The following ZNF148 variants were observed in gnomAD, a reference collection of about 807,000 sequenced individuals.
The protein encoded by ZNF148 is Beta-Enolase Repressor Factor-1.
ZNF148 carries 7 observed loss-of-function variants against 67.7 expected under a neutral mutation model. The observed-to-expected ratio is 0.10, with a 90% confidence interval of 0.06 to 0.19. ZNF148 has a LOEUF of 0.19. ZNF148 is among the 10% of genes least tolerant of loss of function. The probability of loss-of-function intolerance (pLI) is 1.00; values close to 1 mark genes in which losing one functional copy is unlikely to be tolerated. For missense variants in ZNF148, 583 were observed against 947.1 expected, an observed-to-expected ratio of 0.62 and a Z score of 5.05; for synonymous variants, 333 against 330.7, an observed-to-expected ratio of 1.01 and a Z score of -0.08.
chr3:125,248,011 C>T (rs916903325), intron 7 of ZNF148, among the ~76,000 whole-genome samples: 3 of 152,158 alleles, frequency 2.0e-5, no homozygotes, highest in Non-Finnish European at 2.9e-5. Flanking sequence ...GTTATACACT[C>T]GGTACACAAC....
chr3:125,240,251 T>C (rs1188772748), intron 7 of ZNF148, among the ~76,000 whole-genome samples: 1 of 152,110 alleles, frequency 6.6e-6, no homozygotes, highest in East Asian at 1.9e-4. Flanking sequence ...CTCAGCACTT[T>C]GGGAGGATGA....
At chr3:125,340,229 C>T (rs533904468) in intron 1 of ZNF148, among the ~76,000 whole-genome samples, 9 of 152,280 alleles carry the variant, frequency 5.9e-5, no homozygotes, top group African/African-American at 1.2e-4. Context: ...CACATTCCTC[C>T]GCCAAAACAA....
intron 7 of ZNF148, among the ~76,000 whole-genome samples, chr3:125,267,815 G>A (rs531854843): frequency 1.4e-4 from 21 of 152,268 alleles, no homozygotes; most frequent in South Asian, 2.1e-4. Flanking sequence ...ATATGATTCA[G>A]TATCTAGAAA....
intron 7 of ZNF148, among the ~76,000 whole-genome samples, chr3:125,245,681 T>A (rs1287765092): frequency 6.6e-6 from 1 of 152,156 alleles, no homozygotes; most frequent in African/African-American, 2.4e-5. Flanking sequence ...TAAATACCTA[T>A]CAAATCTGTT....
intron 4 of ZNF148, among the ~76,000 whole-genome samples, chr3:125,312,848 A>G (rs1370526948): frequency 6.6e-6 from 1 of 152,172 alleles, no homozygotes; most frequent in Non-Finnish European, 1.5e-5. Context: ...GGGCTGATAT[A>G]CTTTAAAAAG....
At chr3:125,343,825 AG>A (rs1161451586) in intron 1 of ZNF148, among the ~76,000 whole-genome samples, 1 of 152,104 alleles carries the variant, frequency 6.6e-6, no homozygotes, top group Non-Finnish European at 1.5e-5. Flanking sequence ...CTGAACGCAA[AG>A]GTCCATGGCT....
chr3:125,369,256 T>C (rs544885507), intron 1 of ZNF148, among the ~76,000 whole-genome samples: 1 of 50,448 alleles, frequency 2.0e-5, no homozygotes, highest in African/African-American at 1.1e-4. Context: ...AGTGAGATCC[T>C]GCCTCAAAAA....
chr3:125,288,134 T>C lies in ZNF148; in HGVS notation c.428A>G (p.Lys143Arg). 6.2e-7 allele frequency: 1 copy of C among 1,613,890 alleles called. No homozygotes were observed. Residue 143 changes from lysine to arginine, a missense_variant, in exon 5 of 9, where the codon AAG becomes AGG. Coordinates refer to ENST00000360647, the MANE Select transcript of ZNF148 (RefSeq NM_021964.3). ...QIREPVDLQK[K>R]KKRKQRSPAK... ...GGGAGAACGTTGTTTCCGCTTCTTCTTTTTCTGTAAGTCTACTGGCTCTCT... is the reference window on the plus strand; with the variant it reads ...GGGAGAACGTTGTTTCCGCTTCTTCCTTTTCTGTAAGTCTACTGGCTCTCT...
At chr3:125,303,349 G>A (rs529477164) in intron 4 of ZNF148, among the ~76,000 whole-genome samples, 4 of 152,280 alleles carry the variant, frequency 2.6e-5, no homozygotes, top group South Asian at 2.1e-4. Context: ...CTCCCAGGCC[G>A]TGGACCAGCA....
chr3:125,336,677 C>CTTTTTTTTTTTTTTTTT (rs71148176), intron 1 of ZNF148, among the ~76,000 whole-genome samples: 1 of 95,336 alleles, frequency 1.0e-5, no homozygotes, highest in African/African-American at 4.4e-5. Flanking sequence ...CAGAAATCAC[C>CTTTTTTTTTTTTTTTTT]TTTTTTTTTT....
intron 5 of ZNF148, among the ~76,000 whole-genome samples, chr3:125,279,584 T>C (rs1030205103): frequency 6.6e-6 from 1 of 152,062 alleles, no homozygotes; most frequent in Admixed American, 6.5e-5. Flanking sequence ...CAAATTCTCA[T>C]ATATGCAGGA....
intron 1 of ZNF148, among the ~76,000 whole-genome samples, chr3:125,364,685 A>G (rs535779058): frequency 3.2e-4 from 49 of 152,324 alleles, no homozygotes; most frequent in African/African-American, 1.1e-3. Flanking sequence ...CAGCTTGGAA[A>G]TGGCACATGA....
chr3:125,233,598 C>A lies in ZNF148; in HGVS notation c.1128G>T (p.Ser376=). The A allele has an allele frequency of 6.2e-7, 1 of 1,613,910 alleles. No individual in the cohort carries two copies. Among genetic ancestry groups the A allele is most frequent in the East Asian group, 2.2e-5 (1 of 44,882 alleles). ...TTTCTCCTGACGCATCTTCTAAATG[C>A]GAGCCCCCAACTGACGAATGTGGCA... The part of the protein sequence containing the change: ...VEMPHSSVGG[S]HLEDASGEIH... The change falls in exon 9 of 9, where the codon TCG becomes TCT. Residue 376 remains serine (S), a synonymous_variant. Coordinates refer to ENST00000360647, the MANE Select transcript of ZNF148 (RefSeq NM_021964.3). This position sits in a 1 kb window ranked among gnomAD's most constrained non-coding sequence, Gnocchi z 5.1.
intron 7 of ZNF148, among the ~76,000 whole-genome samples, chr3:125,249,031 CA>C (rs1936721072): frequency 6.6e-6 from 1 of 152,062 alleles, no homozygotes; most frequent in Admixed American, 6.6e-5. Context: ...AAAAACAACT[CA>C]AAAAGGATTA....
At chr3:125,363,774 C>T (rs921970879) in intron 1 of ZNF148, among the ~76,000 whole-genome samples, 1 of 152,004 alleles carries the variant, frequency 6.6e-6, no homozygotes, top group Admixed American at 6.6e-5. Context: ...CTCAGCCTCC[C>T]GTGCACCTGG....
chr3:125,226,256 C>T lies in ZNF148; in HGVS notation c.*6085G>A, dbSNP rs1016940103. 6.6e-6 allele frequency: 1 copy of T among 152,602 alleles called. No individual in the cohort carries two copies. Among genetic ancestry groups the T allele is most frequent in the Non-Finnish European group, 1.5e-5 (1 of 68,034 alleles). The allele number at this position is 152,602 out of a possible 1,614,324, so 9.5% of individuals were successfully genotyped here. On this transcript the variant is annotated 3_prime_UTR_variant, in exon 9 of 9. Coordinates refer to ENST00000360647, the MANE Select transcript of ZNF148 (RefSeq NM_021964.3). ...AATTTGTGTAACTGTTAATTCCACA[C>T]AGAAATTCTTTTCTCTTTACGGTTA...
At position 125,323,714 on chromosome 3, in the gene ZNF148, A is replaced by T. The variant is rs570177765; in HGVS notation, c.-152-270T>A. Among the ~76,000 whole-genome samples, 238 of 152,236 alleles carry T rather than the reference A, an allele frequency of 1.6e-3. 1 individual carries two copies. The highest frequency in any genetic ancestry group is 5.6e-3 in the African/African-American group (233 of 41,550). On this transcript the variant is annotated intron_variant, in intron 2 of 8. Transcript: ENST00000360647. ...AGTTGCTCACGCCTGTAATCCCAGC[A>T]CTTTGGGAGGCCGAGGCAGGCGGAT...
rs140791378 is a variant in ZNF148, at chr3:125,286,754, C to T, written c.459+1349G>A. On this transcript the variant is annotated intron_variant, in intron 5 of 8. Coordinates refer to ENST00000360647, the MANE Select transcript of ZNF148 (RefSeq NM_021964.3). ...TTACATTTCAAGTGTTAAAAATCAGCTAATTTATTCTATATTATACCTCCA... is the reference window on the plus strand; with the variant it reads ...TTACATTTCAAGTGTTAAAAATCAGTTAATTTATTCTATATTATACCTCCA... Among the ~76,000 whole-genome samples the T allele has an allele frequency of 3.4e-3, 511 of 152,172 alleles. 6 individuals are homozygous for T. The highest frequency in any genetic ancestry group is 0.012 in the African/African-American group (491 of 41,510).
At chr3:125,322,142 G>A (rs1384143985) in intron 3 of ZNF148, among the ~76,000 whole-genome samples, 6 of 142,722 alleles carry the variant, frequency 4.2e-5, no homozygotes, top group African/African-American at 1.6e-4. Flanking sequence ...CCATTCTCCT[G>A]CCTCAGCCTC....
Sources: gnomAD v4.1 joint callset for allele counts (sites outside exome capture counted in the v4.1 genomes callset) on GRCh38, gnomAD v4.1.1 for gene constraint, Gnocchi (gnomAD v3.1) non-coding constraint, MANE v1.5 for transcripts, NCBI Gene and HGNC (gene_info 2026-07-23, HGNC 2026-07-21) for gene names.